Variants in TENM1 observed in about 807,000 individuals in gnomAD.
The protein encoded by TENM1 is teneurin transmembrane protein 1.
TENM1 carries 35 observed loss-of-function variants against 174.8 expected under a neutral mutation model. That is an observed-to-expected ratio of 0.20 (90% CI 0.15 to 0.27). TENM1 has a LOEUF of 0.27. TENM1 is among the 10% of genes least tolerant of loss of function. TENM1 has a pLI of 1.00. For missense variants in TENM1, 1,633 were observed against 2,130.1 expected, an observed-to-expected ratio of 0.77 and a Z score of 4.59; for synonymous variants, 781 against 798.7, an observed-to-expected ratio of 0.98 and a Z score of 0.37.
At chrX:124,638,138 G>C (rs975713325) in intron 11 of TENM1, among the ~76,000 whole-genome samples, 1 of 111,216 alleles carries the variant, frequency 9.0e-6, no homozygotes, top group Non-Finnish European at 1.9e-5. Context: ...GGTGAGAAAG[G>C]AGTGGGGTAG....
In TENM1 at chrX:124,486,183, T is replaced by C. The variant is rs746810198; in HGVS notation, c.3716+1026A>G. Among the ~76,000 whole-genome samples, 6 of 112,095 alleles carry C rather than the reference T, an allele frequency of 5.4e-5. No homozygotes were observed. The South Asian group carries it at 1.5e-3, about 28-fold the overall frequency. On this transcript the variant is annotated intron_variant, in intron 21 of 31. Transcript: ENST00000422452. Reference sequence around the variant, plus strand: ...TTCCAATTTGCTTTAATCCCTTGTGTCTCAATGCAAATTGCAATTTGAGAT... The same window carrying C: ...TTCCAATTTGCTTTAATCCCTTGTGCCTCAATGCAAATTGCAATTTGAGAT...
At chrX:124,401,644 C>T (rs776266784) in intron 27 of TENM1, among the ~76,000 whole-genome samples, 11 of 111,933 alleles carry the variant, frequency 9.8e-5, no homozygotes, top group Admixed American at 1.9e-4. Context: ...GACGCCATCT[C>T]GGAAATAATA....
chrX:125,026,006 T>G, the TENM1 span, among the ~76,000 whole-genome samples: 3 of 109,930 alleles, frequency 2.7e-5, no homozygotes, highest in East Asian at 8.6e-4. Context: ...TCTCAAAAAG[T>G]TGGAAAAAAT....
intron 22 of TENM1, among the ~76,000 whole-genome samples, chrX:124,478,205 T>A (rs768941374): frequency 2.7e-5 from 3 of 112,535 alleles, no homozygotes; most frequent in Non-Finnish European, 5.6e-5. Context: ...AGCCTGTCTA[T>A]CTTCGTGTTC....
the TENM1 span, among the ~76,000 whole-genome samples, chrX:125,013,389 A>T: frequency 8.9e-6 from 1 of 111,894 alleles, no homozygotes; most frequent in Non-Finnish European, 1.9e-5. Flanking sequence ...AGTGAATCTG[A>T]TAAATATCTT....
chrX:124,501,615 T>G (rs1328160625), intron 19 of TENM1, among the ~76,000 whole-genome samples: 1 of 111,789 alleles, frequency 8.9e-6, no homozygotes, highest in Non-Finnish European at 1.9e-5. Flanking sequence ...AAGAGTTACG[T>G]TTTTTTCCAG....
At chrX:124,876,901 C>T (rs750658607) in intron 3 of TENM1, among the ~76,000 whole-genome samples, 10 of 111,595 alleles carry the variant, frequency 9.0e-5, no homozygotes, top group Non-Finnish European at 1.5e-4. Flanking sequence ...TTAGTTATTT[C>T]GACATACTCA....
intron 3 of TENM1, among the ~76,000 whole-genome samples, chrX:124,881,704 G>T (rs1377834366): frequency 2.9e-5 from 3 of 104,584 alleles, no homozygotes; most frequent in South Asian, 4.1e-4. Context: ...CATAGTTTTT[G>T]TTGTTGTTGT....
intron 3 of TENM1, among the ~76,000 whole-genome samples, chrX:124,856,085 C>T (rs1880725458): frequency 9.1e-6 from 1 of 110,163 alleles, no homozygotes; most frequent in African/African-American, 3.3e-5. Context: ...ATATTGTGTC[C>T]TATAGACACA....
At chrX:124,712,595 C>CT (rs1448095417) in intron 4 of TENM1, among the ~76,000 whole-genome samples, 1 of 110,929 alleles carries the variant, frequency 9.0e-6, no homozygotes, top group African/African-American at 3.3e-5. Flanking sequence ...GATTCTCCTG[C>CT]TTCAGACTCC....
At chrX:124,588,711 A>T (rs1370074195) in intron 11 of TENM1, among the ~76,000 whole-genome samples, 1 of 111,118 alleles carries the variant, frequency 9.0e-6, no homozygotes, top group African/African-American at 3.3e-5. Context: ...AATAAAAATA[A>T]AAAAAGAAAT....
At chrX:124,651,631 A>T (rs776157410) in intron 8 of TENM1, among the ~76,000 whole-genome samples, 17 of 111,716 alleles carry the variant, frequency 1.5e-4, no homozygotes, top group African/African-American at 5.5e-4. Flanking sequence ...CTTGGTAATA[A>T]TATTACTAAG....
intron 3 of TENM1, among the ~76,000 whole-genome samples, chrX:124,805,026 A>G (rs2055557038): frequency 9.0e-6 from 1 of 111,726 alleles, no homozygotes; most frequent in Non-Finnish European, 1.9e-5. Context: ...TTCATAAAAA[A>G]CCCTGTGGAG....
At chrX:124,562,839 T>C (rs1280541683) in intron 13 of TENM1, among the ~76,000 whole-genome samples, 2 of 112,072 alleles carry the variant, frequency 1.8e-5, no homozygotes, top group East Asian at 5.6e-4. Flanking sequence ...TTCATTTCGG[T>C]TTCTTTCTTT....
the TENM1 span, among the ~76,000 whole-genome samples, chrX:125,202,276 G>T: frequency 5.4e-5 from 6 of 112,041 alleles, no homozygotes; most frequent in African/African-American, 1.9e-4. Context: ...CATAGAACAA[G>T]AGTCTAAAAT....
At chrX:125,090,924 T>C in the TENM1 span, among the ~76,000 whole-genome samples, 1 of 111,620 alleles carries the variant, frequency 9.0e-6, no homozygotes, top group East Asian at 2.8e-4. Flanking sequence ...AAAATTACAT[T>C]ATAACACTTC....
chrX:124,951,656 ATATATATATATATATAT>A lies in TENM1; in HGVS notation c.217+11864_217+11880del, dbSNP rs1437929501. On this transcript the variant is annotated intron_variant, in intron 1 of 31. Coordinates refer to ENST00000422452, the Ensembl canonical transcript of TENM1. ...AAAGTTAAAATATATATATATATATATATATATATATATATATAACAATCAATGTGACAAATAGGGAA... is the reference window on the plus strand; with the variant it reads ...AAAGTTAAAATATATATATATATATAAACAATCAATGTGACAAATAGGGAA... Among the ~76,000 whole-genome samples, 173 of 54,258 alleles carry A rather than the reference ATATATATATATATATAT, an allele frequency of 3.2e-3. 1 individual carries two copies. The highest frequency in any genetic ancestry group is 8.3e-3 in the African/African-American group (164 of 19,645). 47.1% of individuals were successfully genotyped at this position (54,258 alleles called of 115,157 possible). A position where few individuals can be genotyped will look rare whatever the true frequency, so the allele number is the denominator to read the frequency against.
rs770783768 is a variant in TENM1 at position 124,663,113 on chromosome X, CT to C, written c.1168+8569del. 2.7e-3 allele frequency among the ~76,000 whole-genome samples: 306 copies of C among 111,967 alleles called. 2 individuals are homozygous for C. The highest frequency in any genetic ancestry group is 4.2e-3 in the Non-Finnish European group (222 of 53,200). Reference sequence around the variant, plus strand: ...TTTCTCTTTCAACTCAACTTTTTAACTGTTATTCTTCCCTCTCCTAGAACCA... The same window carrying C: ...TTTCTCTTTCAACTCAACTTTTTAACGTTATTCTTCCCTCTCCTAGAACCA... On this transcript the variant is annotated intron_variant, in intron 6 of 31. Coordinates refer to ENST00000422452, the Ensembl canonical transcript of TENM1.
the TENM1 span, among the ~76,000 whole-genome samples, chrX:125,146,581 T>C: frequency 8.9e-6 from 1 of 111,747 alleles, no homozygotes; most frequent in Non-Finnish European, 1.9e-5. Context: ...AAGATGTTTC[T>C]GAGATAGAGA....
Sources: gnomAD v4.1 joint callset for allele counts (sites outside exome capture counted in the v4.1 genomes callset) on GRCh38, gnomAD v4.1.1 for gene constraint, MANE v1.5 for transcripts, NCBI Gene and HGNC (gene_info 2026-07-23, HGNC 2026-07-21) for gene names.